Variants in SLC25A17 observed in about 807,000 individuals in gnomAD.
SLC25A17 encodes the protein peroxisomal membrane protein PMP34.
SLC25A17 carries 26 observed loss-of-function variants against 38.5 expected under a neutral mutation model. The observed-to-expected ratio is 0.68, with a 90% CI of 0.50 to 0.94. The LOEUF (loss-of-function observed/expected upper bound fraction) is 0.94. SLC25A17 is among the 40% of genes least tolerant of loss of function. The probability of loss-of-function intolerance (pLI) is 0.00; values close to 1 mark genes in which losing one functional copy is unlikely to be tolerated. For synonymous variants in SLC25A17, 139 were observed against 136.2 expected, an observed-to-expected ratio of 1.02 and a Z score of -0.14; for missense variants, 333 against 372.7, an observed-to-expected ratio of 0.89 and a Z score of 0.88.
chr22:40,790,340 CAAAA>C (rs138301), intron 4 of SLC25A17, among the ~76,000 whole-genome samples: 127 of 61,232 alleles, frequency 2.1e-3, no homozygotes, highest in African/African-American at 8.3e-3. Flanking sequence ...GACACAATCT[CAAAA>C]AAAAAAAAAA....
chr22:40,779,112 C>G lies in SLC25A17; in HGVS notation c.348G>C (p.Val116=). 1 of 1,614,170 alleles carries G rather than the reference C, an allele frequency of 6.2e-7. No homozygotes were observed. Among genetic ancestry groups the G allele is most frequent in the Non-Finnish European group, 8.5e-7 (1 of 1,180,024 alleles). ...CCACCCAGAGTGGAGTTGTTAGCAA[C>G]ACATTAACCACTCCTTTAACAAGAA... ...VVGFVAGVVN[V]LLTTPLWVVN... is the part of the protein sequence containing the mutation. The change falls in exon 5 of 9, where the codon GTG becomes GTC. Residue 116 remains valine (V), a synonymous_variant. Coordinates refer to ENST00000435456, the MANE Select transcript of SLC25A17 (RefSeq NM_006358.4).
chr22:40,801,893 C>T (rs551598276), intron 1 of SLC25A17, among the ~76,000 whole-genome samples: 4 of 152,232 alleles, frequency 2.6e-5, no homozygotes, highest in East Asian at 1.9e-4. Context: ...TGGATTCAAG[C>T]GATTCTCCTG....
Position 40,769,755 on chromosome 22 carries a change from T to A in SLC25A17, c.*1079A>T, listed in dbSNP as rs1266518075. 6.6e-6 allele frequency: 1 copy of A among 152,182 alleles called. No homozygotes were observed. Among genetic ancestry groups the A allele is most frequent in the Non-Finnish European group, 1.5e-5 (1 of 68,032 alleles). 9.4% of individuals were successfully genotyped at this position (152,182 alleles called of 1,614,324 possible). A position where few individuals can be genotyped will look rare whatever the true frequency, so the allele number is the denominator to read the frequency against. ...AGGGGTCCTATGGTCTCCTGAACTT[T>A]AATGTGGCTGTGAATCACCTGGGAA... On this transcript the variant is annotated 3_prime_UTR_variant, in exon 9 of 9. Coordinates refer to ENST00000435456, the MANE Select transcript of SLC25A17 (RefSeq NM_006358.4).
chr22:40,780,948 T>A (rs2057288028), intron 4 of SLC25A17, among the ~76,000 whole-genome samples: 1 of 151,926 alleles, frequency 6.6e-6, no homozygotes, highest in Admixed American at 6.6e-5. Flanking sequence ...TATGGGAGGA[T>A]CACTTGAGCC....
chr22:40,770,737 T>A lies in SLC25A17; in HGVS notation c.*97A>T. 1 of 1,311,596 alleles carries A rather than the reference T, an allele frequency of 7.6e-7. No homozygotes were observed. The highest frequency in any genetic ancestry group is 2.4e-5 in the East Asian group (1 of 40,932). The allele number at this position is 1,311,596 out of a possible 1,614,324, so 81.2% of individuals were successfully genotyped here. On this transcript the variant is annotated 3_prime_UTR_variant, in exon 9 of 9. Transcript: ENST00000435456. ...TTCAAGCCAATGAGGGTAACATTTG[T>A]GGTGGCAGGAGCCAGAGTCAAGGGA...
At chr22:40,816,380 T>A (rs1020392428) in intron 1 of SLC25A17, among the ~76,000 whole-genome samples, 4 of 152,124 alleles carry the variant, frequency 2.6e-5, no homozygotes, top group African/African-American at 9.7e-5. Flanking sequence ...ATATCTGTTT[T>A]TGAAAACAGT....
chr22:40,814,803 TG>T (rs1406528206), intron 1 of SLC25A17, among the ~76,000 whole-genome samples: 84 of 144,682 alleles, frequency 5.8e-4, no homozygotes, highest in African/African-American at 1.9e-3. Context: ...TTGTTGTTGT[TG>T]TTGTTTTGTT....
At chr22:40,817,387 G>A (rs2057652287) in intron 1 of SLC25A17, 1 of 152,290 alleles carries the variant, frequency 6.6e-6, no homozygotes. Context: ...CCTGCTCCAA[G>A]ACTCAGTCAT....
Position 40,801,128 on chromosome 22 carries a change from C to CATACAT in SLC25A17, c.55-2046_55-2045insATGTAT, listed in dbSNP as rs371313528. On this transcript the variant is annotated intron_variant, in intron 1 of 8. Transcript: ENST00000435456. The stretch of plus-strand genomic sequence containing the variant: ...AAAGAAAAAAGAAAAAAATATATTA[C>CATACAT]ATATATATATATATATATATATATA... Among the ~76,000 whole-genome samples the CATACAT allele has an allele frequency of 3.0e-5, 3 of 101,202 alleles. No homozygotes were observed. The East Asian group carries it at 1.4e-3, about 47-fold the overall frequency. The allele number at this position is 101,202 out of a possible 152,430, so 66.4% of individuals were successfully genotyped here.
rs528758790 is a variant in SLC25A17, at chr22:40,770,766, T to C, written c.*68A>G. On this transcript the variant is annotated 3_prime_UTR_variant, in exon 9 of 9. Transcript: ENST00000435456. ...GGCAGGAGCCAGAGTCAAGGGAGAATCACTTCTCTTCACTCAGGAGGAAAC... is the reference window on the plus strand; with the variant it reads ...GGCAGGAGCCAGAGTCAAGGGAGAACCACTTCTCTTCACTCAGGAGGAAAC... 2.5e-5 allele frequency: 37 copies of C among 1,470,318 alleles called. 1 individual carries two copies. The South Asian group carries it at 4.6e-4, about 18-fold the overall frequency. 91.1% of individuals were successfully genotyped at this position (1,470,318 alleles called of 1,614,324 possible).
At chr22:40,785,913 A>G (rs1219947875) in intron 4 of SLC25A17, among the ~76,000 whole-genome samples, 1 of 151,872 alleles carries the variant, frequency 6.6e-6, no homozygotes, top group Non-Finnish European at 1.5e-5. Flanking sequence ...GGGATTATTG[A>G]CATGAGCCAC....
intron 1 of SLC25A17, among the ~76,000 whole-genome samples, chr22:40,811,814 C>A (rs2057584151): frequency 1.3e-5 from 2 of 152,140 alleles, no homozygotes; most frequent in Admixed American, 6.5e-5. Context: ...ATGACCCAAA[C>A]ACCTCCCACT....
intron 1 of SLC25A17, among the ~76,000 whole-genome samples, chr22:40,801,130 TATATATATA>T (rs2057478826): frequency 5.2e-5 from 1 of 19,374 alleles, no homozygotes; most frequent in African/African-American, 2.0e-4. Flanking sequence ...ATATATTACA[TATATATATA>T]TATATATATA....
At chr22:40,772,438 G>A (rs527688604) in intron 8 of SLC25A17, among the ~76,000 whole-genome samples, 3 of 152,222 alleles carry the variant, frequency 2.0e-5, no homozygotes, top group African/African-American at 4.8e-5. Flanking sequence ...CTGGGTAGCT[G>A]GGACTACAGG....
chr22:40,805,876 T>C (rs1048524236), intron 1 of SLC25A17, among the ~76,000 whole-genome samples: 3 of 152,160 alleles, frequency 2.0e-5, no homozygotes, highest in Non-Finnish European at 4.4e-5. Flanking sequence ...ACAGCAGCAA[T>C]AGAAAACTAA....
At chr22:40,812,044 T>A (rs954736997) in intron 1 of SLC25A17, among the ~76,000 whole-genome samples, 4 of 152,056 alleles carry the variant, frequency 2.6e-5, no homozygotes, top group African/African-American at 7.2e-5. Context: ...TCTCTCTCTC[T>A]CTCTCTCTCT....
chr22:40,771,870 G>T (rs2057186942), intron 8 of SLC25A17, among the ~76,000 whole-genome samples: 1 of 152,094 alleles, frequency 6.6e-6, no homozygotes. Flanking sequence ...AGGACTGTTT[G>T]TAACAAAAAG....
chr22:40,792,996 C>G (rs1275243607), intron 3 of SLC25A17, among the ~76,000 whole-genome samples: 1 of 151,622 alleles, frequency 6.6e-6, no homozygotes, highest in African/African-American at 2.4e-5. Context: ...GAGTACCATT[C>G]ATGTTTTATT....
At chr22:40,792,481 C>A in intron 4 of SLC25A17, 44 bp downstream of exon 4, 3 of 1,517,634 alleles carry the variant, frequency 2.0e-6, no homozygotes, top group Non-Finnish European at 2.7e-6. Context: ...TATAAAACCA[C>A]AAGGTAAATA....
Sources: allele counts gnomAD v4.1 joint callset (sites outside exome capture counted in the v4.1 genomes callset), GRCh38; gene constraint gnomAD v4.1.1; transcripts MANE v1.5; gene names NCBI Gene and HGNC (gene_info 2026-07-23, HGNC 2026-07-21).